CREM: variants seen among roughly 807,000 people sequenced by gnomAD.
CREM encodes the protein cAMP-responsive element modulator.
A neutral mutation model predicts 37.3 loss-of-function variants in CREM; 13 were observed. The ratio of observed to expected loss-of-function variants is 0.35; its 90% CI spans 0.23 to 0.55. The LOEUF is 0.55. Ranked by LOEUF, CREM falls within the 20% of genes least tolerant of loss-of-function variation. The pLI is 0.88. For missense variants in CREM, 296 were observed against 362.3 expected (o/e 0.82, Z 1.49); for synonymous variants, 124 against 120.2 (o/e 1.03, Z -0.21).
chr10:35,140,705 A>G (rs1334756575), intron 2 of CREM, among the ~76,000 whole-genome samples: 1 of 152,202 alleles, frequency 6.6e-6, no homozygotes, highest in East Asian at 1.9e-4. Context: ...AATTCTGCCC[A>G]TGGCTATTAG....
At chr10:35,163,580 A>G (rs2045913) in intron 3 of CREM, among the ~76,000 whole-genome samples, 50,215 of 151,982 alleles carry the variant, frequency 0.33, 8,393 homozygotes, top group South Asian at 0.35. Context: ...CACTTTGGGA[A>G]GCTGAGGCAG....
intron 6 of CREM, among the ~76,000 whole-genome samples, chr10:35,200,498 A>T (rs1008858274): frequency 6.6e-6 from 1 of 152,224 alleles, no homozygotes; most frequent in Non-Finnish European, 1.5e-5. Flanking sequence ...TCTATGTGTT[A>T]TAGTGATTGT....
intron 3 of CREM, among the ~76,000 whole-genome samples, chr10:35,177,077 CA>C (rs11343403): frequency 0.21 from 30,538 of 145,174 alleles, 3,090 homozygotes; most frequent in Middle Eastern, 0.26. Flanking sequence ...TAATTGATGA[CA>C]AAAAAAAAAA....
intron 3 of CREM, among the ~76,000 whole-genome samples, chr10:35,175,104 A>C (rs1045532494): frequency 2.6e-5 from 4 of 152,232 alleles, no homozygotes; most frequent in Non-Finnish European, 5.9e-5. Flanking sequence ...ACAAAGCATC[A>C]GCTCACATCC....
intron 2 of CREM, among the ~76,000 whole-genome samples, chr10:35,139,487 G>A (rs941413921): frequency 2.0e-5 from 3 of 152,050 alleles, no homozygotes; most frequent in African/African-American, 4.8e-5. Context: ...TATTTTGCTT[G>A]TTGTTAATTT....
In CREM at chr10:35,184,585, A is replaced by G. The variant is rs557421040; in HGVS notation, c.410-3615A>G. Among the ~76,000 whole-genome samples, 4 of 152,260 alleles carry G rather than the reference A, an allele frequency of 2.6e-5. No homozygotes were observed. In the South Asian group the frequency reaches 8.3e-4, roughly 32 times the overall value. On this transcript the variant is annotated intron_variant, in intron 5 of 7. Coordinates refer to ENST00000685392, the MANE Select transcript of CREM (RefSeq NM_183011.2). ...TGACGTGCCTGACTTAATCAGTAGAAATGTTTTCTCACTAGAGCCAGTGTG... is the reference window on the plus strand; with the variant it reads ...TGACGTGCCTGACTTAATCAGTAGAGATGTTTTCTCACTAGAGCCAGTGTG...
chr10:35,204,390 G>C (rs1225178683), intron 6 of CREM, among the ~76,000 whole-genome samples: 2 of 151,918 alleles, frequency 1.3e-5, no homozygotes, highest in Non-Finnish European at 2.9e-5. Context: ...TCACGAGGTC[G>C]GGAGATCAAG....
chr10:35,161,842 T>C (rs1441950325), intron 3 of CREM, among the ~76,000 whole-genome samples: 1 of 152,182 alleles, frequency 6.6e-6, no homozygotes, highest in Admixed American at 6.5e-5. Flanking sequence ...TAAATTTGTA[T>C]AGCCATATGG....
chr10:35,199,492 G>A (rs1245448138), intron 6 of CREM, among the ~76,000 whole-genome samples: 1 of 152,098 alleles, frequency 6.6e-6, no homozygotes, highest in Non-Finnish European at 1.5e-5. Flanking sequence ...AAATAAACAT[G>A]AATACCAACT....
intron 7 of CREM, among the ~76,000 whole-genome samples, chr10:35,208,452 G>A (rs1026993476): frequency 6.6e-6 from 1 of 151,966 alleles, no homozygotes; most frequent in Non-Finnish European, 1.5e-5. Context: ...TATGAATAAT[G>A]GTGCAAATTA....
At chr10:35,183,100 A>C (rs970519882) in intron 5 of CREM, among the ~76,000 whole-genome samples, 10 of 152,132 alleles carry the variant, frequency 6.6e-5, no homozygotes, top group Non-Finnish European at 1.0e-4. Context: ...GTACCAATTA[A>C]AGACTATCAC....
At chr10:35,163,044 A>C (rs1012399036) in intron 3 of CREM, among the ~76,000 whole-genome samples, 1 of 143,718 alleles carries the variant, frequency 7.0e-6, no homozygotes, top group South Asian at 2.2e-4. Flanking sequence ...CTCCATCTCT[A>C]CAAAAAAAAA....
intron 7 of CREM, among the ~76,000 whole-genome samples, chr10:35,210,060 T>C (rs1378119258): frequency 6.7e-6 from 1 of 149,494 alleles, no homozygotes; most frequent in Non-Finnish European, 1.5e-5. Flanking sequence ...GAGAGTCAGC[T>C]ATCTTAAAAA....
chr10:35,183,411 G>T (rs2094434357), intron 5 of CREM, among the ~76,000 whole-genome samples: 1 of 152,188 alleles, frequency 6.6e-6, no homozygotes, highest in Non-Finnish European at 1.5e-5. Context: ...GTTCTTAATA[G>T]TGACGTTGTT....
At chr10:35,174,405 AG>A (rs1437755319) in intron 3 of CREM, among the ~76,000 whole-genome samples, 12 of 152,256 alleles carry the variant, frequency 7.9e-5, no homozygotes, top group African/African-American at 2.7e-4. Context: ...CTCAACACCT[AG>A]GTTCTCTTAC....
intron 6 of CREM, among the ~76,000 whole-genome samples, chr10:35,200,996 GT>G (rs34842917): frequency 6.7e-6 from 1 of 149,450 alleles, no homozygotes; most frequent in African/African-American, 2.5e-5. Context: ...TCACTTGTGG[GT>G]TTTTTTTTCA....
intron 6 of CREM, among the ~76,000 whole-genome samples, chr10:35,204,596 C>CAA (rs397845623): frequency 3.4e-4 from 30 of 89,438 alleles, no homozygotes; most frequent in African/African-American, 9.8e-4. Context: ...AACTACGTCT[C>CAA]AAAAAAAAAA....
chr10:35,186,750 A>G (rs1268899985), intron 5 of CREM, among the ~76,000 whole-genome samples: 3 of 132,946 alleles, frequency 2.3e-5, no homozygotes, highest in Non-Finnish European at 4.6e-5. Flanking sequence ...AGTTATAATT[A>G]TATATAGTTA....
chr10:35,187,033 TA>T (rs2094608463), intron 5 of CREM, among the ~76,000 whole-genome samples: 2 of 78,404 alleles, frequency 2.6e-5, no homozygotes, highest in African/African-American at 5.5e-5. Context: ...ATATCACATA[TA>T]ATATATATTA....
Sources: gnomAD v4.1 joint callset for allele counts (sites outside exome capture counted in the v4.1 genomes callset) on GRCh38, gnomAD v4.1.1 for gene constraint, MANE v1.5 for transcripts, NCBI Gene and HGNC (gene_info 2026-07-23, HGNC 2026-07-21) for gene names.